CACNA1C: variants seen among roughly 807,000 people sequenced by gnomAD.
CACNA1C encodes calcium voltage-gated channel subunit alpha1 C, also known as voltage-dependent L-type calcium channel subunit alpha-1C.
A neutral mutation model predicts 229.0 loss-of-function variants in CACNA1C; 30 were observed. The ratio of observed to expected loss-of-function variants is 0.13; its 90% CI spans 0.10 to 0.18. The LOEUF (loss-of-function observed/expected upper bound fraction) is 0.18. Ranked by LOEUF, CACNA1C falls within the 10% of genes least tolerant of loss-of-function variation. The probability of loss-of-function intolerance (pLI) is 1.00; values close to 1 mark genes in which losing one functional copy is unlikely to be tolerated. For synonymous variants in CACNA1C, 1,114 were observed against 1,132.5 expected (o/e 0.98, Z 0.33); for missense variants, 1,658 against 2,845.0 (o/e 0.58, Z 9.49).
intron 3 of CACNA1C, among the ~76,000 whole-genome samples, chr12:2,194,213 C>T (rs1431996422): frequency 1.3e-5 from 2 of 148,392 alleles, no homozygotes; most frequent in African/African-American, 5.0e-5. Flanking sequence ...CCCTGTGTTC[C>T]TCCTCCTCCT....
chr12:2,482,382 A>G (rs1004782599), intron 5 of CACNA1C, among the ~76,000 whole-genome samples: 3 of 152,236 alleles, frequency 2.0e-5, no homozygotes, highest in African/African-American at 7.2e-5. Context: ...GCCATGGGCT[A>G]GGAGCCAGAC....
intron 13 of CACNA1C, among the ~76,000 whole-genome samples, chr12:2,572,478 C>T (rs562785296): frequency 5.9e-4 from 7 of 11,830 alleles, no homozygotes; most frequent in Non-Finnish European, 8.4e-4. Context: ...TCCTCCTTCT[C>T]CTCTTCCTCC....
At chr12:2,429,047 A>G (rs1336187866) in intron 3 of CACNA1C, among the ~76,000 whole-genome samples, 2 of 152,070 alleles carry the variant, frequency 1.3e-5, no homozygotes, top group Admixed American at 6.6e-5. Context: ...AATCTGTTCC[A>G]TGCCTTTCTT....
At chr12:2,107,881 C>G (rs1348968147) in intron 1 of CACNA1C, among the ~76,000 whole-genome samples, 1 of 152,238 alleles carries the variant, frequency 6.6e-6, no homozygotes, top group Non-Finnish European at 1.5e-5. Flanking sequence ...TGTCACCATG[C>G]TCTTCCCACA....
rs193054599 is a variant in CACNA1C, at chr12:2,344,000, C to G, written c.478-104976C>G. Among the ~76,000 whole-genome samples, 295 of 152,326 alleles carry G rather than the reference C, an allele frequency of 1.9e-3. 2 individuals carry two copies. Among genetic ancestry groups the G allele is most frequent in the African/African-American group, 6.8e-3 (282 of 41,564 alleles). Reference sequence around the variant, plus strand: ...AATAGAGAAAACGGTGCCACCTTCCCCACACACTTGAGTTGATCTGACATT... The same window carrying G: ...AATAGAGAAAACGGTGCCACCTTCCGCACACACTTGAGTTGATCTGACATT... On this transcript the variant is annotated intron_variant, in intron 3 of 46. Coordinates refer to ENST00000399655, the MANE Select transcript of CACNA1C (RefSeq NM_000719.7).
rs542914369 is a variant in CACNA1C at position 2,685,833 on chromosome 12, G to C, written c.5671G>C (p.Ala1891Pro). ...QSPKRGFLRS[A>P]SLGRRASFHL... ...TCCGAAGAGGGGTTTCCTCCGCTCTGCCTCACTAGGTAAATGCACCGCTCG... is the reference window on the plus strand; with the variant it reads ...TCCGAAGAGGGGTTTCCTCCGCTCTCCCTCACTAGGTAAATGCACCGCTCG... The change falls in exon 44 of 47, where the codon GCC (alanine) becomes CCC (proline). Residue 1891 changes from alanine to proline, a missense_variant. By Grantham distance (27) the Ala-to-Pro change is conservative (BLOSUM62 -1). Coordinates refer to ENST00000399655, the MANE Select transcript of CACNA1C (RefSeq NM_000719.7). The C allele has an allele frequency of 1.5e-5, 24 of 1,609,958 alleles. No homozygotes were observed. The African/African-American group carries it at 2.8e-4, about 19-fold the overall frequency.
chr12:2,507,681 A>G (rs1291507526), intron 8 of CACNA1C, among the ~76,000 whole-genome samples: 2 of 152,218 alleles, frequency 1.3e-5, no homozygotes, highest in African/African-American at 4.8e-5. Flanking sequence ...TCGCTCAGTT[A>G]ATGCTCATGG....
chr12:2,136,263 G>A lies in CACNA1C; in HGVS notation c.477+15833G>A, dbSNP rs562078557. Among the ~76,000 whole-genome samples the A allele has an allele frequency of 1.3e-3, 202 of 151,436 alleles. 5 individuals are homozygous for A. Among genetic ancestry groups the A allele is most frequent in the African/African-American group, 4.3e-3 (177 of 41,490 alleles). Reference sequence around the variant, plus strand: ...GCAGAAATCACCCGTCTTCTGCGTCGGTCACGCTGAGAGCTGTAGACCGGA... The same window carrying A: ...GCAGAAATCACCCGTCTTCTGCGTCAGTCACGCTGAGAGCTGTAGACCGGA... On this transcript the variant is annotated intron_variant, in intron 3 of 46. Coordinates refer to ENST00000399655, the MANE Select transcript of CACNA1C (RefSeq NM_000719.7).
chr12:2,413,584 A>G (rs182511215), intron 3 of CACNA1C, among the ~76,000 whole-genome samples: 89 of 152,200 alleles, frequency 5.8e-4, no homozygotes, highest in African/African-American at 1.8e-3. Context: ...GAAACCTCCT[A>G]CCATCCTGCT....
At chr12:2,074,633 T>A (rs1027936504) in intron 1 of CACNA1C, among the ~76,000 whole-genome samples, 7 of 152,210 alleles carry the variant, frequency 4.6e-5, no homozygotes, top group Non-Finnish European at 8.8e-5. Flanking sequence ...GCCAGTGCCG[T>A]GACTCAAAAT....
chr12:2,357,878 G>A (rs1228855095), intron 3 of CACNA1C, among the ~76,000 whole-genome samples: 1 of 150,824 alleles, frequency 6.6e-6, no homozygotes, highest in Non-Finnish European at 1.5e-5. Flanking sequence ...GCCTGAGGCA[G>A]GAGAATAGCT....
At chr12:2,582,971 G>A (rs1167765733) in intron 15 of CACNA1C, 29 bp downstream of exon 15, 2 of 1,503,956 alleles carry the variant, frequency 1.3e-6, no homozygotes, top group Admixed American at 2.0e-5. Flanking sequence ...CCCCACCCCT[G>A]CGGCCCCCAG....
chr12:2,282,788 A>T (rs1050989499), intron 3 of CACNA1C, among the ~76,000 whole-genome samples: 1 of 152,230 alleles, frequency 6.6e-6, no homozygotes, highest in Non-Finnish European at 1.5e-5. Context: ...AATGTTCTCG[A>T]CTTCAAGTAA....
chr12:2,177,618 T>TTCCTTCATTCTC (rs2096703343), intron 3 of CACNA1C, among the ~76,000 whole-genome samples: 1 of 108,644 alleles, frequency 9.2e-6, no homozygotes, highest in Non-Finnish European at 1.8e-5. Context: ...CCTTCCTTCC[T>TTCCTTCATTCTC]TCCTTCCTTC....
intron 3 of CACNA1C, among the ~76,000 whole-genome samples, chr12:2,135,509 T>C (rs1219401745): frequency 3.0e-5 from 4 of 132,366 alleles, no homozygotes; most frequent in Admixed American, 7.4e-5. Context: ...TTCTGTTTGT[T>C]AGTTTTCCTT....
intron 3 of CACNA1C, among the ~76,000 whole-genome samples, chr12:2,199,251 G>T (rs1352137232): frequency 6.6e-6 from 1 of 152,044 alleles, no homozygotes; most frequent in East Asian, 1.9e-4. Flanking sequence ...GCTGACTCTT[G>T]AACAGTACGG....
At chr12:2,309,527 G>A (rs1334758313) in intron 3 of CACNA1C, among the ~76,000 whole-genome samples, 1 of 152,010 alleles carries the variant, frequency 6.6e-6, no homozygotes, top group Non-Finnish European at 1.5e-5. Flanking sequence ...AGGGAACTGT[G>A]TTATTCAGCT....
Position 2,653,674 on chromosome 12 carries a change from C to T in CACNA1C, c.4075-161C>T, listed in dbSNP as rs1450984332. On this transcript the variant is annotated intron_variant, in intron 32 of 46. Coordinates refer to ENST00000399655, the MANE Select transcript of CACNA1C (RefSeq NM_000719.7). This position sits in a 1 kb window ranked among gnomAD's most constrained non-coding sequence, Gnocchi z 4.7. ...TCAGTTCCGGTTTCTCAGACCTTCTCGCAGGTTCCCCGTAGTCCTGTGGGA... is the reference window on the plus strand; with the variant it reads ...TCAGTTCCGGTTTCTCAGACCTTCTTGCAGGTTCCCCGTAGTCCTGTGGGA... Among the ~76,000 whole-genome samples, 1 of 152,238 alleles carries T rather than the reference C, an allele frequency of 6.6e-6. No individual in the cohort carries two copies. The highest frequency in any genetic ancestry group is 1.5e-5 in the Non-Finnish European group (1 of 68,046).
chr12:2,462,952 G>A (rs1163354416), intron 5 of CACNA1C, among the ~76,000 whole-genome samples: 10 of 131,310 alleles, frequency 7.6e-5, no homozygotes, highest in South Asian at 2.4e-4. Flanking sequence ...TTGCTCTGTC[G>A]CCCAGGCTGG....
Sources: allele counts gnomAD v4.1 joint callset (sites outside exome capture counted in the v4.1 genomes callset), GRCh38; gene constraint gnomAD v4.1.1; non-coding constraint Gnocchi (gnomAD v3.1); transcripts MANE v1.5; gene names NCBI Gene and HGNC (gene_info 2026-07-23, HGNC 2026-07-21).